DHX38: variants seen among roughly 807,000 people sequenced by gnomAD.
The protein encoded by DHX38 is pre-mRNA-splicing factor ATP-dependent RNA helicase PRP16.
DHX38 carries 100 observed loss-of-function variants against 153.1 expected under a neutral mutation model. That is an observed-to-expected ratio of 0.65 (90% CI 0.56 to 0.77). The LOEUF is 0.77. Ranked by LOEUF, DHX38 falls within the 30% of genes least tolerant of loss-of-function variation. The pLI, the probability that DHX38 is intolerant of heterozygous loss-of-function variation, is 0.00. For synonymous variants in DHX38, 650 were observed against 631.7 expected (o/e 1.03, Z -0.43); for missense variants, 1,440 against 1,654.0 (o/e 0.87, Z 2.24).
At chr16:72,108,984 A>T in intron 24 of DHX38, 59 bp downstream of exon 24, 2 of 1,532,578 alleles carry the variant, frequency 1.3e-6, no homozygotes, top group Non-Finnish European at 8.8e-7. Context: ...AGGCTTTGAA[A>T]CCCTTCACTG....
chr16:72,103,855 G>A (rs757270430), intron 13 of DHX38, 67 bp downstream of exon 13: 11 of 1,597,254 alleles, frequency 6.9e-6, no homozygotes, highest in African/African-American at 1.3e-5. Flanking sequence ...TTTGCTAAAG[G>A]GTGTGATCTG....
Position 72,112,778 on chromosome 16 carries a change from C to T in DHX38, c.*281C>T, listed in dbSNP as rs1189973256. On this transcript the variant is annotated 3_prime_UTR_variant, in exon 27 of 27. Transcript: ENST00000268482. The stretch of plus-strand genomic sequence containing the variant: ...CATCGCATCTAAAACTGGCCCAGGA[C>T]ACTTGGTGTATGCGTGACTTGGCTG... 1 of 702,742 alleles carries T rather than the reference C, an allele frequency of 1.4e-6. No individual in the cohort carries two copies. The highest frequency in any genetic ancestry group is 1.5e-5 in the South Asian group (1 of 67,598). 43.5% of individuals were successfully genotyped at this position (702,742 alleles called of 1,614,324 possible). A position where few individuals can be genotyped will look rare whatever the true frequency, so the allele number is the denominator to read the frequency against.
chr16:72,110,385 A>G (rs2241412), intron 25 of DHX38, among the ~76,000 whole-genome samples: 71,873 of 152,072 alleles, frequency 0.47, 18,939 homozygotes, highest in African/African-American at 0.72. Flanking sequence ...TTCAGGAGGC[A>G]TGTGAGGTCT....
In DHX38 at chr16:72,099,310, C is replaced by T. The variant is rs141232240; in HGVS notation, c.960+30C>T. Reference sequence around the variant, plus strand: ...AGTTTTATACCTCTGAGGGGCTGATCGGGGCTGGTGGCCGTCTGTAGATGG... The same window carrying T: ...AGTTTTATACCTCTGAGGGGCTGATTGGGGCTGGTGGCCGTCTGTAGATGG... On this transcript the variant is annotated intron_variant, in intron 7 of 26. Transcript: ENST00000268482. 431 of 1,568,828 alleles carry T rather than the reference C, an allele frequency of 2.7e-4. 7 individuals carry two copies. The East Asian group carries it at 9.1e-3, about 33-fold the overall frequency.
At chr16:72,100,662 G>C in intron 9 of DHX38, 65 bp downstream of exon 9, 1 of 1,579,806 alleles carries the variant, frequency 6.3e-7, no homozygotes, top group Non-Finnish European at 8.6e-7. Flanking sequence ...CAGGTGCAGT[G>C]GCTCATGCCT....
chr16:72,105,389 T>C (rs1345275220), intron 17 of DHX38, 41 bp downstream of exon 17: 1 of 1,609,074 alleles, frequency 6.2e-7, no homozygotes, highest in African/African-American at 1.3e-5. Flanking sequence ...CTTGGAGTTC[T>C]CTAAAGGAAG....
chr16:72,110,964 T>C lies in DHX38; in HGVS notation c.3486T>C (p.Arg1162=). 3 of 1,587,790 alleles carry C rather than the reference T, an allele frequency of 1.9e-6. No homozygotes were observed. The highest frequency in any genetic ancestry group is 2.6e-6 in the Non-Finnish European group (3 of 1,166,690). Residue 1162 remains arginine (R), a synonymous_variant, in exon 26 of 27, where the codon CGT becomes CGC. Transcript: ENST00000268482. The part of the protein sequence containing the change: ...KQAGKSRQEN[R]RRAKEEASAM... Reference sequence around the variant, plus strand: ...CTGTCCCTCTTCAATAGGAGAACCGTCGTCGGGCCAAAGAGGAAGCCTCTG... The same window carrying C: ...CTGTCCCTCTTCAATAGGAGAACCGCCGTCGGGCCAAAGAGGAAGCCTCTG...
intron 10 of DHX38, 29 bp downstream of exon 10, chr16:72,101,222 G>A (rs1309883873): frequency 1.9e-6 from 3 of 1,611,734 alleles, no homozygotes; most frequent in African/African-American, 2.7e-5. Context: ...TGGCTGGGAA[G>A]TTTATGTGTA....
rs762861382 is a variant in DHX38, at chr16:72,112,467, T to A, written c.3654T>A (p.Pro1218=). 4 of 1,612,152 alleles carry A rather than the reference T, an allele frequency of 2.5e-6. No homozygotes were observed. Residue 1218 remains proline, a synonymous_variant, in exon 27 of 27, where the codon CCT becomes CCA. Coordinates refer to ENST00000268482, the MANE Select transcript of DHX38 (RefSeq NM_014003.4). ...GRKEQGEPMT[P]RRTPARFGL ...AAGAGCAAGGGGAGCCCATGACCCC[T>A]CGCCGCACGCCAGCCCGCTTTGGTC...
chr16:72,112,707 G>A lies in DHX38; in HGVS notation c.*210G>A. 1 of 712,848 alleles carries A rather than the reference G, an allele frequency of 1.4e-6. No homozygotes were observed. 44.2% of individuals were successfully genotyped at this position (712,848 alleles called of 1,614,324 possible). ...AGCACGGCATGGCGGGAGCGGGGCT[G>A]CAGAGTATCCGAGGTGCTGCCGGGG... On this transcript the variant is annotated 3_prime_UTR_variant, in exon 27 of 27. Coordinates refer to ENST00000268482, the MANE Select transcript of DHX38 (RefSeq NM_014003.4).
At chr16:72,111,761 C>T (rs2042259843) in intron 26 of DHX38, among the ~76,000 whole-genome samples, 1 of 152,178 alleles carries the variant, frequency 6.6e-6, no homozygotes, top group African/African-American at 2.4e-5. Context: ...AGGAAGCTCA[C>T]CTGAACTTCA....
rs772424713 is a variant in DHX38, at chr16:72,107,582, C to T, written c.2809+34C>T. 5.6e-5 allele frequency: 90 copies of T among 1,609,186 alleles called. No homozygotes were observed. The highest frequency in any genetic ancestry group is 1.1e-4 in the African/African-American group (8 of 74,934). ...GCCCCGGGAGCCTCATGGGTGCTGG[C>T]GCTTGACTTCCTTCTTTCCTCTACT... On this transcript the variant is annotated intron_variant, in intron 20 of 26. Transcript: ENST00000268482. The surrounding 1 kb of genome is among the most constrained non-coding windows in gnomAD (Gnocchi z 5.3).
intron 7 of DHX38, 103 bp from the exon 8 acceptor site, chr16:72,099,629 T>G (rs1187720190): frequency 3.4e-6 from 5 of 1,476,990 alleles, no homozygotes; most frequent in Non-Finnish European, 4.6e-6. Context: ...GTAGCTCCAC[T>G]GCAGTAGTGA....
chr16:72,103,459 T>C (rs1249930942), intron 12 of DHX38, 143 bp from the exon 13 acceptor site: 13 of 1,007,228 alleles, frequency 1.3e-5, no homozygotes, highest in Non-Finnish European at 1.7e-5. Context: ...AAGAGGCTGT[T>C]GTCCCAGTGA....
At position 72,108,355 on chromosome 16, in the gene DHX38, T is replaced by C; in HGVS notation, c.3093T>C (p.His1031=). 1 of 1,614,194 alleles carries C rather than the reference T, an allele frequency of 6.2e-7. No individual in the cohort carries two copies. The change falls in exon 22 of 27, where the codon CAT becomes CAC. Residue 1031 remains histidine, a synonymous_variant. Transcript: ENST00000268482. Reference sequence around the variant, plus strand: ...ACTCCACCATCTGGTGTAACGATCATTTCATCCATGCTAAGGCCATGCGGA... The same window carrying C: ...ACTCCACCATCTGGTGTAACGATCACTTCATCCATGCTAAGGCCATGCGGA... The part of the protein sequence containing the change: ...NNYSTIWCND[H]FIHAKAMRKV...
rs1444170610 is a variant in DHX38 at position 72,107,053 on chromosome 16, C to CA, written c.2601-286dup. Among the ~76,000 whole-genome samples the CA allele has an allele frequency of 1.3e-5, 2 of 152,118 alleles. No homozygotes were observed. The highest frequency in any genetic ancestry group is 2.9e-5 in the Non-Finnish European group (2 of 68,038). On this transcript the variant is annotated intron_variant, in intron 19 of 26. Transcript: ENST00000268482. This position sits in a 1 kb window ranked among gnomAD's most constrained non-coding sequence, Gnocchi z 5.3. ...GCGTGGTGGCGGATGCCTGTAGTCC[C>CA]AGCTACTCGGGAGGCTGAGGCAGGA...
At chr16:72,097,647 T>A (rs776156852) in intron 3 of DHX38, 30 bp from the exon 4 acceptor site, 2 of 1,606,006 alleles carry the variant, frequency 1.2e-6, no homozygotes, top group Non-Finnish European at 1.7e-6. Context: ...ATGGGATGCA[T>A]GTTTTTAAGC....
rs147955965 is a variant in DHX38, at chr16:72,109,280, G to A, written c.3382-135G>A. ...GAGGAGTTTGGATGGGAGTATCTGGGGTTTTTCCTTTCCTTTTTTCAGCCT... is the reference window on the plus strand; with the variant it reads ...GAGGAGTTTGGATGGGAGTATCTGGAGTTTTTCCTTTCCTTTTTTCAGCCT... On this transcript the variant is annotated intron_variant, in intron 24 of 26. Coordinates refer to ENST00000268482, the MANE Select transcript of DHX38 (RefSeq NM_014003.4). The A allele has an allele frequency of 8.7e-5, 85 of 977,720 alleles. No homozygotes were observed. The African/African-American group carries it at 1.3e-3, about 15-fold the overall frequency. 60.6% of individuals were successfully genotyped at this position (977,720 alleles called of 1,614,324 possible). A position where few individuals can be genotyped will look rare whatever the true frequency, so the allele number is the denominator to read the frequency against.
At chr16:72,101,749 C>G (rs960387673) in intron 11 of DHX38, 137 bp downstream of exon 11, 6 of 656,104 alleles carry the variant, frequency 9.1e-6, no homozygotes, top group Admixed American at 2.6e-5. Flanking sequence ...CTTCCATTCT[C>G]TCTGGTCCCT....
Sources: gnomAD v4.1 joint callset for allele counts (sites outside exome capture counted in the v4.1 genomes callset) on GRCh38, gnomAD v4.1.1 for gene constraint, Gnocchi (gnomAD v3.1) non-coding constraint, MANE v1.5 for transcripts, NCBI Gene and HGNC (gene_info 2026-07-23, HGNC 2026-07-21) for gene names.